Variants in SIPA1L3 observed in about 807,000 individuals in gnomAD.
The protein encoded by SIPA1L3 is signal induced proliferation associated 1 like 3, also known as signal-induced proliferation-associated 1-like protein 3.
A neutral mutation model predicts 150.1 loss-of-function variants in SIPA1L3; 59 were observed. The observed-to-expected ratio is 0.39, with a 90% CI of 0.32 to 0.49. The LOEUF (loss-of-function observed/expected upper bound fraction) is 0.49. Among genes scored for constraint, SIPA1L3 ranks in the 20% least tolerant of loss-of-function variants. The pLI, the probability that SIPA1L3 is intolerant of heterozygous loss-of-function variation, is 0.86. For missense variants in SIPA1L3, 2,211 were observed against 2,489.5 expected, an observed-to-expected ratio of 0.89 and a Z score of 2.38; for synonymous variants, 1,070 against 1,077.6, an observed-to-expected ratio of 0.99 and a Z score of 0.14.
chr19:37,987,365 A>G (rs1296768637), intron 1 of SIPA1L3, among the ~76,000 whole-genome samples: 1 of 152,022 alleles, frequency 6.6e-6, no homozygotes, highest in Non-Finnish European at 1.5e-5. Flanking sequence ...CCTTAGCTGC[A>G]TTTTTCCCAG....
At chr19:38,194,205 G>A (rs1972870454) in intron 18 of SIPA1L3, among the ~76,000 whole-genome samples, 3 of 152,010 alleles carry the variant, frequency 2.0e-5, no homozygotes, top group African/African-American at 2.4e-5. Flanking sequence ...ACACTTGGGG[G>A]TGGTGCATGG....
intron 2 of SIPA1L3, among the ~76,000 whole-genome samples, chr19:38,051,739 G>A (rs1225226521): frequency 1.3e-5 from 2 of 152,122 alleles, no homozygotes; most frequent in East Asian, 3.8e-4. Flanking sequence ...TGGGACCACA[G>A]GCACACACCA....
intron 15 of SIPA1L3, among the ~76,000 whole-genome samples, chr19:38,175,726 A>G (rs1378759813): frequency 6.6e-6 from 1 of 152,056 alleles, no homozygotes; most frequent in Non-Finnish European, 1.5e-5. Context: ...TCATTGCCTC[A>G]TTTCTCAGAG....
intron 1 of SIPA1L3, among the ~76,000 whole-genome samples, chr19:37,940,309 A>AC (rs1047059645): frequency 6.6e-6 from 1 of 151,498 alleles, no homozygotes; most frequent in African/African-American, 2.4e-5. Context: ...AAAAAAAAAA[A>AC]CAAAAAAAAA....
intron 12 of SIPA1L3, among the ~76,000 whole-genome samples, chr19:38,147,109 C>T (rs1354521122): frequency 1.3e-5 from 2 of 151,792 alleles, no homozygotes; most frequent in Non-Finnish European, 2.9e-5. Context: ...TTGCCCAAGC[C>T]GGAGTGCAGT....
intron 2 of SIPA1L3, among the ~76,000 whole-genome samples, chr19:38,029,856 CTTT>C (rs35091359): frequency 5.0e-5 from 6 of 120,854 alleles, no homozygotes; most frequent in Admixed American, 1.8e-4. Flanking sequence ...ACCTCGGCCT[CTTT>C]TTTTTTTTTT....
Position 38,046,050 on chromosome 19 carries a change from A to T in SIPA1L3, c.-311+16894A>T, listed in dbSNP as rs1969049891. ...GGACAGTTTGTACCGCTCCAGGGTC[A>T]CGTCAGAGACTCCAGAGCCGCCTCC... On this transcript the variant is annotated intron_variant, in intron 2 of 21. Coordinates refer to ENST00000222345, the MANE Select transcript of SIPA1L3 (RefSeq NM_015073.3). This position sits in a 1 kb window ranked among gnomAD's most constrained non-coding sequence, Gnocchi z 5.6. Among the ~76,000 whole-genome samples the T allele has an allele frequency of 6.6e-6, 1 of 152,192 alleles. No individual in the cohort carries two copies. Among genetic ancestry groups the T allele is most frequent in the South Asian group, 2.1e-4 (1 of 4,828 alleles).
intron 7 of SIPA1L3, among the ~76,000 whole-genome samples, chr19:38,107,086 C>T (rs1970639065): frequency 6.6e-6 from 1 of 152,210 alleles, no homozygotes; most frequent in Admixed American, 6.5e-5. Flanking sequence ...GAATCCTTCC[C>T]CATTTCTCAC....
intron 2 of SIPA1L3, among the ~76,000 whole-genome samples, chr19:38,033,748 GA>G (rs1159767876): frequency 1.3e-5 from 2 of 152,092 alleles, no homozygotes; most frequent in African/African-American, 4.8e-5. Context: ...AGCTGAAAAG[GA>G]AGGGTGGAAC....
At chr19:38,105,203 A>G (rs1970596108) in intron 6 of SIPA1L3, among the ~76,000 whole-genome samples, 1 of 151,980 alleles carries the variant, frequency 6.6e-6, no homozygotes, top group Non-Finnish European at 1.5e-5. Context: ...TAAAAATACT[A>G]AAATTACTAA....
At chr19:38,106,672 G>A (rs745807102) in intron 7 of SIPA1L3, 32 bp downstream of exon 7, 31 of 1,464,996 alleles carry the variant, frequency 2.1e-5, no homozygotes, top group Admixed American at 1.5e-4. Flanking sequence ...CACGGCTGCC[G>A]GATGTTGGCT....
intron 19 of SIPA1L3, among the ~76,000 whole-genome samples, chr19:38,199,541 G>A (rs530376107): frequency 6.6e-5 from 10 of 152,300 alleles, no homozygotes; most frequent in African/African-American, 1.2e-4. Context: ...CAGGCTGTGC[G>A]TCACAGTCGC....
intron 2 of SIPA1L3, among the ~76,000 whole-genome samples, chr19:38,076,478 C>A (rs1306003513): frequency 6.6e-6 from 1 of 152,144 alleles, no homozygotes; most frequent in African/African-American, 2.4e-5. Context: ...TTGTGAGTAT[C>A]CATTTGAAAC....
intron 4 of SIPA1L3, among the ~76,000 whole-genome samples, chr19:38,099,236 A>G (rs886196680): frequency 1.3e-5 from 2 of 151,666 alleles, no homozygotes; most frequent in Non-Finnish European, 2.9e-5. Flanking sequence ...GGGTTTCACC[A>G]TGTTGGCCAG....
At position 38,001,381 on chromosome 19, in the gene SIPA1L3, C is replaced by A. The variant is rs527721520; in HGVS notation, c.-378-27708C>A. 7.9e-5 allele frequency among the ~76,000 whole-genome samples: 12 copies of A among 152,254 alleles called. No individual in the cohort carries two copies. The South Asian group carries it at 2.1e-3, about 26-fold the overall frequency. On this transcript the variant is annotated intron_variant, in intron 1 of 21. Transcript: ENST00000222345. ...CTCTTGAGATGAAAGAACTCTAATTCTTTTGTGGTTCTTCTGATCTTGCAA... is the reference window on the plus strand; with the variant it reads ...CTCTTGAGATGAAAGAACTCTAATTATTTTGTGGTTCTTCTGATCTTGCAA...
chr19:37,982,381 G>A (rs1967221708), intron 1 of SIPA1L3, among the ~76,000 whole-genome samples: 1 of 152,238 alleles, frequency 6.6e-6, no homozygotes, highest in Non-Finnish European at 1.5e-5. Flanking sequence ...CCTGGGGCCA[G>A]GGAGCACCTA....
chr19:38,041,855 G>GTCC (rs771509966), intron 2 of SIPA1L3, among the ~76,000 whole-genome samples: 98 of 152,198 alleles, frequency 6.4e-4, no homozygotes, highest in Non-Finnish European at 1.3e-4. Flanking sequence ...GATTACAGGT[G>GTCC]TAAGCCACCA....
intron 1 of SIPA1L3, among the ~76,000 whole-genome samples, chr19:37,965,317 G>GTTTTTTTTTTTTTTTTT (rs566071263): frequency 7.5e-6 from 1 of 133,688 alleles, no homozygotes; most frequent in African/African-American, 2.8e-5. Flanking sequence ...TATATTTCTA[G>GTTTTTTTTTTTTTTTTT]TTTTTTTTTT....
At chr19:37,976,956 G>A (rs979175523) in intron 1 of SIPA1L3, among the ~76,000 whole-genome samples, 2 of 151,822 alleles carry the variant, frequency 1.3e-5, no homozygotes, top group Non-Finnish European at 2.9e-5. Context: ...CATCTCAGCC[G>A]CCTGAGTAGC....
Sources: gnomAD v4.1 joint callset for allele counts (sites outside exome capture counted in the v4.1 genomes callset) on GRCh38, gnomAD v4.1.1 for gene constraint, Gnocchi (gnomAD v3.1) non-coding constraint, MANE v1.5 for transcripts, NCBI Gene and HGNC (gene_info 2026-07-23, HGNC 2026-07-21) for gene names.